TYW1B: variants seen among roughly 807,000 people sequenced by gnomAD.
TYW1B encodes the protein tRNA-yW synthesizing protein 1 homolog B.
In TYW1B, 73 loss-of-function variants were observed where a neutral mutation model predicts 86.9. The observed-to-expected ratio is 0.84, with a 90% confidence interval of 0.70 to 1.02. The LOEUF is 1.02. TYW1B is among the 50% of genes least tolerant of loss of function. The pLI is 0.00. For missense variants in TYW1B, 637 were observed against 827.4 expected (o/e 0.77, Z 2.82); for synonymous variants, 248 against 292.8 (o/e 0.85, Z 1.56).
intron 11 of TYW1B, among the ~76,000 whole-genome samples, chr7:72,664,166 C>T (rs1813404644): frequency 6.6e-6 from 1 of 152,110 alleles, no homozygotes; most frequent in African/African-American, 2.4e-5. Context: ...AACATTATGA[C>T]AATCTGCCGT....
Position 72,703,013 on chromosome 7 carries a change from TATATATATA to T in TYW1B, c.1371-8200_1371-8192del, listed in dbSNP as rs1280512477. On this transcript the variant is annotated intron_variant, in intron 10 of 13. Transcript: ENST00000620995. ...ATATATATATATATATATATATATA[TATATATATA>T]TATATTTTTTTTTTTTTTTTGAGAT... is the stretch of plus-strand genomic sequence containing the variant. 8.0e-3 allele frequency among the ~76,000 whole-genome samples: 317 copies of T among 39,424 alleles called. 4 individuals carry two copies. Among genetic ancestry groups the T allele is most frequent in the Middle Eastern group, 0.011 (1 of 88 alleles). 25.9% of individuals were successfully genotyped at this position (39,424 alleles called of 152,430 possible). A position where few individuals can be genotyped will look rare whatever the true frequency, so the allele number is the denominator to read the frequency against.
intron 13 of TYW1B, among the ~76,000 whole-genome samples, chr7:72,614,217 A>G (rs1812009792): frequency 6.6e-6 from 1 of 152,194 alleles, no homozygotes; most frequent in African/African-American, 2.4e-5. Flanking sequence ...AGAAGGAAGG[A>G]AAGAAGGGAA....
intron 11 of TYW1B, among the ~76,000 whole-genome samples, chr7:72,687,526 T>A (rs1183575702): frequency 6.6e-6 from 1 of 152,144 alleles, no homozygotes; most frequent in Non-Finnish European, 1.5e-5. Flanking sequence ...CCACTATTAC[T>A]TGCAAAATCA....
intron 7 of TYW1B, among the ~76,000 whole-genome samples, chr7:72,751,996 C>A (rs1450498168): frequency 6.6e-6 from 1 of 152,204 alleles, no homozygotes; most frequent in Non-Finnish European, 1.5e-5. Flanking sequence ...CTTCCAAGGC[C>A]AGGCTGCTTT....
chr7:72,577,193 CAA>C (rs35445348), intron 13 of TYW1B, among the ~76,000 whole-genome samples: 3 of 130,746 alleles, frequency 2.3e-5, no homozygotes, highest in Admixed American at 7.5e-5. Flanking sequence ...GTTCTAGCCA[CAA>C]AAAAAAAAAA....
intron 11 of TYW1B, among the ~76,000 whole-genome samples, chr7:72,678,816 C>G (rs1813801614): frequency 6.6e-6 from 1 of 151,930 alleles, no homozygotes; most frequent in African/African-American, 2.4e-5. Flanking sequence ...CTGGGGATTA[C>G]AGGTATAAGC....
chr7:72,716,674 T>C (rs1786792333), intron 9 of TYW1B, among the ~76,000 whole-genome samples: 1 of 151,518 alleles, frequency 6.6e-6, no homozygotes, highest in Non-Finnish European at 1.5e-5. Context: ...AGTCTCGCCC[T>C]GTTGCCCAGG....
intron 5 of TYW1B, among the ~76,000 whole-genome samples, chr7:72,805,930 AGT>A (rs1788485830): frequency 6.6e-6 from 1 of 152,130 alleles, no homozygotes; most frequent in African/African-American, 2.4e-5. Context: ...AGATGACAGG[AGT>A]GTTACAGCCT....
At chr7:72,648,996 A>C (rs1217902648) in intron 11 of TYW1B, among the ~76,000 whole-genome samples, 1 of 152,202 alleles carries the variant, frequency 6.6e-6, no homozygotes, top group East Asian at 1.9e-4. Context: ...TGGGAAAATC[A>C]AATGAGTAGT....
chr7:72,769,452 G>C (rs1385934092), intron 7 of TYW1B, among the ~76,000 whole-genome samples: 2 of 152,042 alleles, frequency 1.3e-5, no homozygotes, highest in African/African-American at 4.8e-5. Context: ...TACATACAAA[G>C]CTTCTAGAAG....
chr7:72,771,636 G>C (rs1787870317), intron 7 of TYW1B, among the ~76,000 whole-genome samples: 1 of 151,788 alleles, frequency 6.6e-6, no homozygotes, highest in African/African-American at 2.4e-5. Context: ...CTGATAACCT[G>C]AGTGGAAAAG....
intron 10 of TYW1B, among the ~76,000 whole-genome samples, chr7:72,710,602 T>C (rs535387505): frequency 3.2e-4 from 48 of 152,220 alleles, no homozygotes; most frequent in Admixed American, 3.9e-4. Context: ...GAGGCGGGTG[T>C]ATCACTTGAG....
At chr7:72,665,032 A>G (rs577151591) in intron 11 of TYW1B, among the ~76,000 whole-genome samples, 1 of 152,186 alleles carries the variant, frequency 6.6e-6, no homozygotes, top group South Asian at 2.1e-4. Flanking sequence ...AATATTTTCA[A>G]TGTGTGGTTG....
intron 13 of TYW1B, among the ~76,000 whole-genome samples, chr7:72,613,656 C>T (rs1811993081): frequency 6.6e-6 from 1 of 151,994 alleles, no homozygotes; most frequent in Non-Finnish European, 1.5e-5. Flanking sequence ...GATCTGCCCA[C>T]CTCAGCCTTC....
At chr7:72,696,723 T>C (rs1329966331) in intron 10 of TYW1B, among the ~76,000 whole-genome samples, 3 of 152,132 alleles carry the variant, frequency 2.0e-5, no homozygotes, top group African/African-American at 7.2e-5. Flanking sequence ...GGCTTAGTGA[T>C]ATATAGAAAA....
intron 9 of TYW1B, among the ~76,000 whole-genome samples, chr7:72,723,628 G>C (rs2129570922): frequency 6.6e-6 from 1 of 152,174 alleles, no homozygotes; most frequent in East Asian, 1.9e-4. Flanking sequence ...TAAAATATTA[G>C]CTGAGTTTGG....
Position 72,693,378 on chromosome 7 carries a change from T to G in TYW1B, c.1506+1309A>C, listed in dbSNP as rs184286846. ...TTCTAGAAATTCAGGAAAATTAACT[T>G]TATATTTAAACGTATACTATTTGCA... On this transcript the variant is annotated intron_variant, in intron 11 of 13. Transcript: ENST00000620995. 3.5e-3 allele frequency among the ~76,000 whole-genome samples: 533 copies of G among 151,764 alleles called. 5 individuals carry two copies. Among genetic ancestry groups the G allele is most frequent in the South Asian group, 8.3e-3 (40 of 4,794 alleles).
intron 9 of TYW1B, among the ~76,000 whole-genome samples, chr7:72,717,793 A>G (rs577891785): frequency 4.7e-4 from 72 of 152,288 alleles, no homozygotes; most frequent in African/African-American, 1.6e-3. Context: ...AATTAAACTT[A>G]CAATGGGATA....
At chr7:72,707,320 T>C (rs1402345920) in intron 10 of TYW1B, among the ~76,000 whole-genome samples, 4 of 152,248 alleles carry the variant, frequency 2.6e-5, no homozygotes, top group Non-Finnish European at 4.4e-5. Context: ...TGAGAGGTCA[T>C]GTGAATAGAG....
Sources: allele counts gnomAD v4.1 joint callset (sites outside exome capture counted in the v4.1 genomes callset), GRCh38; gene constraint gnomAD v4.1.1; transcripts MANE v1.5; gene names NCBI Gene and HGNC (gene_info 2026-07-23, HGNC 2026-07-21).